TMC1: variants seen among roughly 807,000 people sequenced by gnomAD.
The protein encoded by TMC1 is transmembrane channel-like protein 1.
A neutral mutation model predicts 105.8 loss-of-function variants in TMC1; 84 were observed. That is an observed-to-expected ratio of 0.79 (90% CI 0.67 to 0.95). The LOEUF (loss-of-function observed/expected upper bound fraction) is 0.95, where lower values mean the gene tolerates loss of function less well. TMC1 is among the 40% of genes least tolerant of loss of function. TMC1 has a pLI of 0.00. For synonymous variants in TMC1, 315 were observed against 311.5 expected (o/e 1.01, Z -0.12); for missense variants, 817 against 914.1 (o/e 0.89, Z 1.37).
intron 17 of TMC1, 199 bp from the exon 18 acceptor site, chr9:72,805,183 G>T (rs975515673): frequency 2.3e-6 from 1 of 432,128 alleles, no homozygotes; most frequent in Non-Finnish European, 4.0e-6. Context: ...TTTAGTAAAC[G>T]GGAAATAATT....
At chr9:72,770,122 A>G (rs1011742440) in intron 12 of TMC1, among the ~76,000 whole-genome samples, 4 of 152,052 alleles carry the variant, frequency 2.6e-5, no homozygotes, top group Non-Finnish European at 4.4e-5. Flanking sequence ...GAGTTGGTCA[A>G]TCCATGTCTT....
At chr9:72,601,189 CACACAG>C (rs763266135) in intron 2 of TMC1, among the ~76,000 whole-genome samples, 77 of 129,596 alleles carry the variant, frequency 5.9e-4, no homozygotes, top group Middle Eastern at 4.4e-3. Flanking sequence ...CACACACACA[CACACAG>C]ACACACACAC....
chr9:72,660,689 CA>C (rs1825958093), intron 5 of TMC1, among the ~76,000 whole-genome samples: 1 of 152,104 alleles, frequency 6.6e-6, no homozygotes, highest in Non-Finnish European at 1.5e-5. Flanking sequence ...GCTCTTCTTG[CA>C]AAAATATCTC....
rs115525868 is a variant in TMC1, at chr9:72,689,651, G to A, written c.64+895G>A. 5.0e-3 allele frequency among the ~76,000 whole-genome samples: 766 copies of A among 152,136 alleles called. 6 individuals are homozygous for A. Among genetic ancestry groups the A allele is most frequent in the African/African-American group, 0.018 (728 of 41,526 alleles). ...TGGATGCATATATACTTATAATTGT[G>A]ATATCTTCCTGGTAAATTGACCCTT... On this transcript the variant is annotated intron_variant, in intron 6 of 23. Coordinates refer to ENST00000297784, the MANE Select transcript of TMC1 (RefSeq NM_138691.3).
intron 8 of TMC1, among the ~76,000 whole-genome samples, chr9:72,725,212 A>C (rs969442988): frequency 4.6e-5 from 7 of 151,450 alleles, no homozygotes; most frequent in African/African-American, 1.7e-4. Flanking sequence ...GTTAAACTTT[A>C]TTAAAATGCA....
intron 4 of TMC1, among the ~76,000 whole-genome samples, chr9:72,630,356 A>T (rs1464861443): frequency 1.3e-5 from 2 of 152,230 alleles, no homozygotes; most frequent in African/African-American, 4.8e-5. Flanking sequence ...CGATAAGCAT[A>T]TTTGTGTTTT....
intron 7 of TMC1, among the ~76,000 whole-genome samples, chr9:72,695,787 G>A (rs1826540604): frequency 6.6e-6 from 1 of 152,110 alleles, no homozygotes; most frequent in Non-Finnish European, 1.5e-5. Flanking sequence ...TCTACTTCAT[G>A]TCTAAGTTTT....
intron 8 of TMC1, among the ~76,000 whole-genome samples, chr9:72,709,979 G>A (rs1362336476): frequency 6.6e-6 from 1 of 151,946 alleles, no homozygotes; most frequent in African/African-American, 2.4e-5. Context: ...AGACTTTTTG[G>A]TGTAGGCATT....
chr9:72,772,446 T>TA lies in TMC1; in HGVS notation c.776dup (p.Tyr259Ter), dbSNP rs1827943241. 6.2e-7 allele frequency: 1 copy of TA among 1,613,864 alleles called. No homozygotes were observed. Among genetic ancestry groups the TA allele is most frequent in the African/African-American group, 1.3e-5 (1 of 74,922 alleles). The change falls in exon 13 of 24, where the codon TAT becomes TAAT. Residue 259 changes from tyrosine (Y) to a stop codon, truncating the protein, a stop_gained and frameshift_variant. Transcript: ENST00000297784. LOFTEE classifies it high-confidence loss of function. The stretch of plus-strand genomic sequence containing the variant: ...ACAATATTCCGTTCTCTTTTATGGC[T>TA]ATTATGACAATAAACGAACAATTGG... The part of the protein sequence containing the change: ...LAQYSVLFYG[Y>*]YDNKRTIGWM...
intron 12 of TMC1, among the ~76,000 whole-genome samples, chr9:72,771,821 G>A (rs1047689183): frequency 6.6e-6 from 1 of 152,164 alleles, no homozygotes; most frequent in Admixed American, 6.5e-5. Flanking sequence ...ATAATTTTTA[G>A]GAACGAGAAT....
intron 8 of TMC1, among the ~76,000 whole-genome samples, chr9:72,732,715 G>C (rs1343098361): frequency 1.3e-5 from 2 of 152,124 alleles, no homozygotes; most frequent in Non-Finnish European, 2.9e-5. Flanking sequence ...TGTTATCCTG[G>C]GGAAACTGGG....
chr9:72,566,702 C>CCTA (rs1824161045), intron 1 of TMC1, among the ~76,000 whole-genome samples: 1 of 152,186 alleles, frequency 6.6e-6, no homozygotes, highest in East Asian at 1.9e-4. Flanking sequence ...GCACATTTAG[C>CCTA]CTACAGCTTT....
intron 1 of TMC1, among the ~76,000 whole-genome samples, chr9:72,552,138 G>A (rs1372875217): frequency 6.6e-6 from 1 of 152,144 alleles, no homozygotes; most frequent in Admixed American, 6.6e-5. Context: ...GATCACACTG[G>A]TGAGGAAGGG....
At chr9:72,567,533 C>A (rs2132085871) in intron 1 of TMC1, among the ~76,000 whole-genome samples, 1 of 152,248 alleles carries the variant, frequency 6.6e-6, no homozygotes, top group Admixed American at 6.5e-5. Context: ...ATGGCAGAGG[C>A]ACCTCTTCAC....
At chr9:72,703,213 A>G (rs1029161063) in intron 8 of TMC1, among the ~76,000 whole-genome samples, 3 of 151,968 alleles carry the variant, frequency 2.0e-5, no homozygotes, top group Admixed American at 6.6e-5. Flanking sequence ...TGCAGCCTCA[A>G]TCTCCTGGGA....
At chr9:72,681,022 C>T (rs2132176662) in intron 5 of TMC1, among the ~76,000 whole-genome samples, 1 of 152,166 alleles carries the variant, frequency 6.6e-6, no homozygotes, top group Non-Finnish European at 1.5e-5. Context: ...AGAAAGATTC[C>T]TTTTTGTCCT....
chr9:72,664,693 T>C (rs1033409546), intron 5 of TMC1, among the ~76,000 whole-genome samples: 1 of 152,068 alleles, frequency 6.6e-6, no homozygotes, highest in Non-Finnish European at 1.5e-5. Context: ...CATCTCTCAC[T>C]CCATCCCCTT....
intron 10 of TMC1, among the ~76,000 whole-genome samples, 191 bp from the exon 11 acceptor site, chr9:72,751,657 CAG>C (rs1223395353): frequency 6.6e-6 from 1 of 152,176 alleles, no homozygotes. Flanking sequence ...TTCCACATGA[CAG>C]GGAATGCTTC....
chr9:72,745,900 C>T (rs1346473599), intron 10 of TMC1, among the ~76,000 whole-genome samples: 1 of 152,124 alleles, frequency 6.6e-6, no homozygotes, highest in Non-Finnish European at 1.5e-5. Context: ...TTTAACTAGT[C>T]ACTATACAAG....
Sources: gnomAD v4.1 joint callset for allele counts (sites outside exome capture counted in the v4.1 genomes callset) on GRCh38, gnomAD v4.1.1 for gene constraint, MANE v1.5 for transcripts, NCBI Gene and HGNC (gene_info 2026-07-23, HGNC 2026-07-21) for gene names.